Variants in CCT6B observed in about 807,000 individuals in gnomAD.
The protein encoded by CCT6B is probable T-complex protein 1 subunit zeta-2.
A neutral mutation model predicts 61.5 loss-of-function variants in CCT6B; 49 were observed. The ratio of observed to expected loss-of-function variants is 0.80; its 90% CI spans 0.63 to 1.01. The LOEUF is 1.01. Among genes scored for constraint, CCT6B ranks in the 50% least tolerant of loss-of-function variants. The pLI, the probability that CCT6B is intolerant of heterozygous loss-of-function variation, is 0.00. For synonymous variants in CCT6B, 228 were observed against 214.5 expected (o/e 1.06, Z -0.55); for missense variants, 666 against 634.7 (o/e 1.05, Z -0.53).
intron 10 of CCT6B, among the ~76,000 whole-genome samples, chr17:34,933,077 C>A (rs1219106421): frequency 6.6e-6 from 1 of 152,138 alleles, no homozygotes; most frequent in African/African-American, 2.4e-5. Flanking sequence ...CCACCACACC[C>A]GGCCTTATGA....
Position 34,959,622 on chromosome 17 carries a change from G to C in CCT6B, c.166C>G (p.Leu56Val). 1 of 1,613,020 alleles carries C rather than the reference G, an allele frequency of 6.2e-7. No individual in the cohort carries two copies. Among genetic ancestry groups the C allele is most frequent in the African/African-American group, 1.3e-5 (1 of 75,000 alleles). The change falls in exon 2 of 14, where the codon CTC (leucine) becomes GTC (valine). Residue 56 changes from leucine (L) to valine (V), a missense_variant. Physicochemically the swap from Leu to Val is conservative, Grantham distance 32. Coordinates refer to ENST00000314144, the MANE Select transcript of CCT6B (RefSeq NM_006584.4). ...AGCAGCACATTGCCATCTTTGGTGA[G>C]TTTGATGTCACCTGCACCAGAAACA... ...MLVSGAGDIKLTKDGNVLLDE... is the reference protein window; with the variant it reads ...MLVSGAGDIKVTKDGNVLLDE...
chr17:34,941,052 A>C (rs1412118905), intron 7 of CCT6B, among the ~76,000 whole-genome samples: 1 of 152,168 alleles, frequency 6.6e-6, no homozygotes, highest in Admixed American at 6.5e-5. Flanking sequence ...CACACAGATA[A>C]ATATTGTAAA....
At chr17:34,932,245 C>T in intron 11 of CCT6B, 122 bp downstream of exon 11, 1 of 842,790 alleles carries the variant, frequency 1.2e-6, no homozygotes, top group East Asian at 2.9e-5. Flanking sequence ...TAAGAGAAAA[C>T]TGTGTAAGGA....
chr17:34,929,491 C>CTTTTTTTTTTTTTTTTTGTTTTTTTT (rs2090010254), intron 12 of CCT6B, among the ~76,000 whole-genome samples: 2 of 126,766 alleles, frequency 1.6e-5, no homozygotes, highest in Non-Finnish European at 1.6e-5. Context: ...TGTTTTCTTT[C>CTTTTTTTTTTTTTTTTTGTTTTTTTT]TTTTTTTTTT....
chr17:34,951,859 T>C (rs747097760), intron 5 of CCT6B, 91 bp downstream of exon 5: 5 of 589,920 alleles, frequency 8.5e-6, no homozygotes, highest in African/African-American at 1.9e-5. Flanking sequence ...TGAATATATT[T>C]ATGTTGAATA....
At chr17:34,955,019 T>G (rs1029584850) in intron 3 of CCT6B, among the ~76,000 whole-genome samples, 31 of 152,220 alleles carry the variant, frequency 2.0e-4, no homozygotes, top group African/African-American at 7.5e-4. Flanking sequence ...AGGCATCACA[T>G]GCCTGCTGAC....
intron 3 of CCT6B, among the ~76,000 whole-genome samples, chr17:34,956,314 T>C (rs2090346911): frequency 6.6e-6 from 1 of 152,168 alleles, no homozygotes; most frequent in African/African-American, 2.4e-5. Context: ...GGAAAGCCAT[T>C]CTCCTCACCC....
intron 1 of CCT6B, 73 bp downstream of exon 1, chr17:34,961,184 C>G (rs201125387): frequency 4.0e-6 from 6 of 1,504,796 alleles, no homozygotes; most frequent in African/African-American, 1.4e-5. Flanking sequence ...GCTACGCGGA[C>G]GCCTGCCTCA....
chr17:34,935,358 C>G (rs2090082180), intron 10 of CCT6B, among the ~76,000 whole-genome samples: 1 of 152,150 alleles, frequency 6.6e-6, no homozygotes, highest in African/African-American at 2.4e-5. Flanking sequence ...TGTGAATGCA[C>G]TTACTAACAC....
At chr17:34,936,976 T>C (rs1021932196) in intron 10 of CCT6B, among the ~76,000 whole-genome samples, 1 of 151,998 alleles carries the variant, frequency 6.6e-6, no homozygotes, top group South Asian at 2.1e-4. Flanking sequence ...AACAACATAA[T>C]GAGACGTTGT....
At chr17:34,939,746 T>A in intron 8 of CCT6B, 33 bp from the exon 9 acceptor site, 1 of 1,271,464 alleles carries the variant, frequency 7.9e-7, no homozygotes, top group Non-Finnish European at 1.2e-6. Context: ...ATAGCTTGAT[T>A]ATGGAGAACA....
At chr17:34,931,821 T>C (rs539680931) in intron 11 of CCT6B, among the ~76,000 whole-genome samples, 9 of 152,212 alleles carry the variant, frequency 5.9e-5, no homozygotes, top group Non-Finnish European at 1.2e-4. Context: ...CTAAGGTGGT[T>C]TGAAACCAAT....
chr17:34,942,893 A>T lies in CCT6B; in HGVS notation c.628T>A (p.Leu210Ile), dbSNP rs374559941. The T allele has an allele frequency of 1.9e-5, 31 of 1,593,082 alleles. No individual in the cohort carries two copies. Among genetic ancestry groups the T allele is most frequent in the Non-Finnish European group, 2.7e-5 (31 of 1,164,928 alleles). ...TGACGGGCACCATGATCCAAAACTAATCCTTGGATCAACCTATTAAAAATA... is the reference window on the plus strand; with the variant it reads ...TGACGGGCACCATGATCCAAAACTATTCCTTGGATCAACCTATTAAAAATA... ...LGTDTKLIQG[L>I]VLDHGARHPD... The change falls in exon 6 of 14, where the codon TTA (leucine) becomes ATA (isoleucine). Residue 210 changes from leucine to isoleucine, a missense_variant. Leu to Ile is a conservative substitution (Grantham distance 5). Coordinates refer to ENST00000314144, the MANE Select transcript of CCT6B (RefSeq NM_006584.4).
At chr17:34,934,053 TG>T (rs1309762954) in intron 10 of CCT6B, among the ~76,000 whole-genome samples, 2 of 145,902 alleles carry the variant, frequency 1.4e-5, no homozygotes, top group Admixed American at 1.4e-4. Flanking sequence ...TGCCTGAGCC[TG>T]GGAAGTCAAG....
intron 7 of CCT6B, among the ~76,000 whole-genome samples, chr17:34,941,471 T>C (rs1373472887): frequency 2.6e-5 from 4 of 152,224 alleles, no homozygotes; most frequent in African/African-American, 7.2e-5. Context: ...CTTTTAAGTA[T>C]TGGAAAGCTG....
At chr17:34,932,263 A>G in intron 11 of CCT6B, 104 bp downstream of exon 11, 1 of 1,056,142 alleles carries the variant, frequency 9.5e-7, no homozygotes, top group African/African-American at 1.6e-5. Flanking sequence ...GGAAATGCAC[A>G]TAAATACCTG....
intron 5 of CCT6B, chr17:34,943,109 T>C (rs1285941300): frequency 2.2e-6 from 1 of 449,738 alleles, no homozygotes; most frequent in Non-Finnish European, 4.0e-6. Context: ...CACGAACTCC[T>C]GGGCTCAAGC....
At chr17:34,940,177 T>C (rs1410048454) in intron 8 of CCT6B, among the ~76,000 whole-genome samples, 1 of 151,984 alleles carries the variant, frequency 6.6e-6, no homozygotes, top group Non-Finnish European at 1.5e-5. Context: ...CCAGTGCCCC[T>C]CCCCTCCCAC....
Position 34,942,116 on chromosome 17 carries a change from C to A in CCT6B, c.885+368G>T, listed in dbSNP as rs548125032. ...CATAATAATAAAAGGATGCATATTT[C>A]AGAATCAAAATTTAATAAATTAATA... On this transcript the variant is annotated intron_variant, in intron 7 of 13. Coordinates refer to ENST00000314144, the MANE Select transcript of CCT6B (RefSeq NM_006584.4). Among the ~76,000 whole-genome samples, 50 of 149,490 alleles carry A rather than the reference C, an allele frequency of 3.3e-4. No homozygotes were observed. The South Asian group carries it at 9.2e-3, about 28-fold the overall frequency.
Sources: allele counts gnomAD v4.1 joint callset (sites outside exome capture counted in the v4.1 genomes callset), GRCh38; gene constraint gnomAD v4.1.1; transcripts MANE v1.5; gene names NCBI Gene and HGNC (gene_info 2026-07-23, HGNC 2026-07-21).